Variants in HADH observed in about 807,000 individuals in gnomAD.
HADH encodes the protein hydroxyacyl-CoA dehydrogenase.
A neutral mutation model predicts 32.2 loss-of-function variants in HADH; 24 were observed. That is an observed-to-expected ratio of 0.75 (90% CI 0.54 to 1.05). The LOEUF (loss-of-function observed/expected upper bound fraction) is 1.05, where lower values mean the gene tolerates loss of function less well. Ranked by LOEUF, HADH falls within the 50% of genes least tolerant of loss-of-function variation. HADH has a pLI of 0.00. For synonymous variants in HADH, 139 were observed against 152.5 expected, an observed-to-expected ratio of 0.91 and a Z score of 0.65; for missense variants, 350 against 397.1, an observed-to-expected ratio of 0.88 and a Z score of 1.01.
intron 1 of HADH, among the ~76,000 whole-genome samples, chr4:108,005,985 A>C (rs1168214840): frequency 1.3e-5 from 2 of 152,228 alleles, no homozygotes; most frequent in African/African-American, 4.8e-5. Context: ...GGTAGATGCA[A>C]GTGTGGCCAG....
intron 1 of HADH, among the ~76,000 whole-genome samples, chr4:107,996,537 C>G (rs1734963117): frequency 6.6e-6 from 1 of 151,992 alleles, no homozygotes; most frequent in Non-Finnish European, 1.5e-5. Context: ...TTTAGAAATA[C>G]TTTTTGAAAT....
At chr4:107,990,285 C>G (rs911087550) in intron 1 of HADH, among the ~76,000 whole-genome samples, 2 of 152,210 alleles carry the variant, frequency 1.3e-5, no homozygotes, top group African/African-American at 4.8e-5. Flanking sequence ...TCAGCTTCCT[C>G]GTTTGGAAAA....
At chr4:108,028,023 A>G in intron 6 of HADH, 1 of 557,824 alleles carries the variant, frequency 1.8e-6, no homozygotes. Context: ...GAGCAATTGC[A>G]TGGCCGGCCC....
intron 1 of HADH, among the ~76,000 whole-genome samples, chr4:107,994,920 G>T (rs1304232649): frequency 6.6e-6 from 1 of 152,164 alleles, no homozygotes; most frequent in Non-Finnish European, 1.5e-5. Flanking sequence ...ATAATGCTAT[G>T]GGATATGTTT....
chr4:107,996,409 A>G (rs1402949376), intron 1 of HADH, among the ~76,000 whole-genome samples: 1 of 152,112 alleles, frequency 6.6e-6, no homozygotes, highest in African/African-American at 2.4e-5. Flanking sequence ...AATTTGTGGG[A>G]GGTGAGAAGT....
At chr4:108,028,639 T>C (rs1355279141) in intron 6 of HADH, 2 of 386,822 alleles carry the variant, frequency 5.2e-6, no homozygotes, top group Admixed American at 8.9e-5. Context: ...GCCTCACTTT[T>C]GCTCCAAGAT....
chr4:108,013,879 C>T (rs1046572578), intron 2 of HADH, among the ~76,000 whole-genome samples: 15 of 151,954 alleles, frequency 9.9e-5, no homozygotes, highest in African/African-American at 3.6e-4. Context: ...CAGCTGAGAT[C>T]TAGCTGCTTA....
rs185299122 is a variant in HADH, at chr4:108,017,369, A to G, written c.420-2171A>G. ...AGTACAGACTCTTGAATCCTTTGCC[A>G]TCCCCACCAACCCTCTTGTCTTCTT... is the stretch of plus-strand genomic sequence containing the variant. On this transcript the variant is annotated intron_variant, in intron 3 of 7. Transcript: ENST00000309522. 2.9e-3 allele frequency among the ~76,000 whole-genome samples: 448 copies of G among 152,224 alleles called. 1 individual carries two copies. The highest frequency in any genetic ancestry group is 3.5e-3 in the Non-Finnish European group (240 of 68,016).
At chr4:107,998,716 CTTTTTGTT>C (rs1394869976) in intron 1 of HADH, among the ~76,000 whole-genome samples, 1 of 151,826 alleles carries the variant, frequency 6.6e-6, no homozygotes, top group African/African-American at 2.4e-5. Context: ...TAGTTGTGTT[CTTTTTGTT>C]TTTTTGTTTT....
chr4:108,012,508 T>G (rs1320901483), intron 2 of HADH, among the ~76,000 whole-genome samples: 1 of 152,230 alleles, frequency 6.6e-6, no homozygotes, highest in African/African-American at 2.4e-5. Context: ...GTGTCCGGTT[T>G]CTATTGGCTG....
intron 1 of HADH, chr4:108,004,389 T>C (rs1253786725): frequency 3.1e-6 from 1 of 322,222 alleles, no homozygotes; most frequent in East Asian, 8.1e-5. Flanking sequence ...AGTGTTTTTG[T>C]CTGTAACCTT....
chr4:108,026,736 G>A (rs1387053270), intron 5 of HADH: 1 of 152,330 alleles, frequency 6.6e-6, no homozygotes, highest in South Asian at 2.1e-4. Context: ...GTGTGTGCTA[G>A]AAACAGAATG....
intron 2 of HADH, among the ~76,000 whole-genome samples, chr4:108,010,532 T>C (rs529179436): frequency 5.3e-4 from 81 of 152,324 alleles, no homozygotes; most frequent in African/African-American, 1.9e-3. Context: ...TTGCTTAAGA[T>C]TGATTTCCTT....
intron 5 of HADH, chr4:108,024,901 T>A (rs1366665552): frequency 6.6e-6 from 1 of 152,226 alleles, no homozygotes. Flanking sequence ...TCTCATTAAA[T>A]TATCTTGTTA....
At chr4:108,007,658 T>C (rs1474192111) in intron 1 of HADH, among the ~76,000 whole-genome samples, 2 of 152,178 alleles carry the variant, frequency 1.3e-5, no homozygotes, top group African/African-American at 4.8e-5. Flanking sequence ...ATATCTTGAG[T>C]CCATCTCTGT....
chr4:108,005,015 A>G (rs1735248990), intron 1 of HADH: 1 of 820,568 alleles, frequency 1.2e-6, no homozygotes, highest in South Asian at 1.7e-5. Flanking sequence ...TGTTTATTTT[A>G]TACTGTAACT....
At chr4:108,009,649 G>A (rs1268015300) in intron 1 of HADH, 110 bp from the exon 2 acceptor site, 3 of 850,532 alleles carry the variant, frequency 3.5e-6, no homozygotes, top group Admixed American at 3.8e-5. Context: ...TGGAATGGTA[G>A]TAGAATTCAT....
At chr4:108,009,424 A>G (rs1299783437) in intron 1 of HADH, among the ~76,000 whole-genome samples, 2 of 152,248 alleles carry the variant, frequency 1.3e-5, no homozygotes, top group Non-Finnish European at 2.9e-5. Context: ...TGTTAAAATC[A>G]GTACAGAGAA....
chr4:108,033,859 G>C (rs2126242147), intron 7 of HADH, among the ~76,000 whole-genome samples: 2 of 152,348 alleles, frequency 1.3e-5, no homozygotes, highest in Middle Eastern at 6.8e-3. Context: ...AATACCAATG[G>C]CAGGAATGCA....
Sources: gnomAD v4.1 joint callset for allele counts (sites outside exome capture counted in the v4.1 genomes callset) on GRCh38, gnomAD v4.1.1 for gene constraint, MANE v1.5 for transcripts, NCBI Gene and HGNC (gene_info 2026-07-23, HGNC 2026-07-21) for gene names.